Variants in NPC1 observed in about 807,000 individuals in gnomAD.
NPC1 encodes Niemann-Pick C1 protein.
NPC1 carries 85 observed loss-of-function variants against 140.4 expected under a neutral mutation model. The ratio of observed to expected loss-of-function variants is 0.61; its 90% CI spans 0.51 to 0.72. NPC1 has a LOEUF of 0.72. NPC1 is among the 30% of genes least tolerant of loss of function. NPC1 has a pLI of 0.00. For missense variants in NPC1, 1,504 were observed against 1,623.8 expected, an observed-to-expected ratio of 0.93 and a Z score of 1.27; for synonymous variants, 656 against 624.8, an observed-to-expected ratio of 1.05 and a Z score of -0.74.
chr18:23,586,208 T>C, intron 1 of NPC1, 79 bp downstream of exon 1: 1 of 1,473,138 alleles, frequency 6.8e-7, no homozygotes, highest in Non-Finnish European at 9.1e-7. Context: ...GCCTGAGCCG[T>C]CGCTGGGCCC....
At position 23,544,538 on chromosome 18, in the gene NPC1, G is replaced by A. The variant is rs779932903; in HGVS notation, c.1948-12C>T. The A allele has an allele frequency of 4.3e-6, 7 of 1,613,534 alleles. No individual in the cohort carries two copies. The highest frequency in any genetic ancestry group is 3.3e-5 in the Admixed American group (2 of 59,992). On this transcript the variant is annotated splice_polypyrimidine_tract_variant and intron_variant, in intron 12 of 24. Transcript: ENST00000269228. ...ACCTTCGAATCCACCTGAGAGAGGCGACAGACACAATCACCAATTAGTTAC... is the reference window on the plus strand; with the variant it reads ...ACCTTCGAATCCACCTGAGAGAGGCAACAGACACAATCACCAATTAGTTAC...
chr18:23,519,248 T>C, downstream of NPC1: 1 of 1,339,140 alleles, frequency 7.5e-7, no homozygotes, highest in South Asian at 1.2e-5. Context: ...CTGGGCACGG[T>C]GGATCACGCC....
In NPC1 at chr18:23,514,991, G is replaced by A. The variant is rs2057962029; in HGVS notation, c.432-8349C>T. ...GGATTATAAAGTACTGCATTTGTAT[G>A]GAGTCTTATGAACACATCTGCTAGA... On this transcript the variant is annotated intron_variant, in intron 3 of 3. Transcript: ENST00000591107. Among the ~76,000 whole-genome samples the A allele has an allele frequency of 2.0e-5, 3 of 152,184 alleles. No individual in the cohort carries two copies. In the South Asian group the frequency reaches 6.2e-4, roughly 32 times the overall value.
intron 3 of NPC1, chr18:23,507,181 T>C (rs1490750738): frequency 1.6e-6 from 1 of 627,222 alleles, no homozygotes; most frequent in Non-Finnish European, 2.8e-6. Context: ...TATAGTTATG[T>C]TGCATTGTAT....
chr18:23,553,214 C>T (rs183547425), intron 9 of NPC1, among the ~76,000 whole-genome samples: 1 of 152,368 alleles, frequency 6.6e-6, no homozygotes, highest in East Asian at 1.9e-4. Context: ...TGTCCCCCAT[C>T]ATTTTTGTTG....
At chr18:23,506,508 G>C (rs2057720749) in exon 4 of NPC1, 1 of 160,070 alleles carries the variant, frequency 6.2e-6, no homozygotes, top group Non-Finnish European at 1.4e-5. Flanking sequence ...TACAGGTGTA[G>C]GCCGCTGTGC....
At chr18:23,586,046 C>G (rs1022688621) in intron 1 of NPC1, among the ~76,000 whole-genome samples, 1 of 152,210 alleles carries the variant, frequency 6.6e-6, no homozygotes, top group Non-Finnish European at 1.5e-5. Context: ...AATTAGGTGA[C>G]CACAGATGGA....
At chr18:23,555,396 A>G (rs1299227512) in intron 8 of NPC1, among the ~76,000 whole-genome samples, 1 of 152,232 alleles carries the variant, frequency 6.6e-6, no homozygotes, top group Non-Finnish European at 1.5e-5. Context: ...CCATTTATAT[A>G]TGTCCCCTTA....
At chr18:23,539,001 T>G in intron 19 of NPC1, 1 of 449,480 alleles carries the variant, frequency 2.2e-6, no homozygotes, top group South Asian at 2.2e-5. Context: ...ACCTCGACGC[T>G]CCTACAAAAC....
In NPC1 at chr18:23,572,196, G is replaced by A. The variant is rs574028536; in HGVS notation, c.181-16C>T. On this transcript the variant is annotated splice_polypyrimidine_tract_variant and intron_variant, in intron 2 of 24. Transcript: ENST00000269228. ...GACAGAGTTCCTTTCAGGTGAAAGA[G>A]CACAGACACGGGAGTAGGCAACAGT... is the stretch of plus-strand genomic sequence containing the variant. 5.7e-6 allele frequency: 9 copies of A among 1,573,584 alleles called. No individual in the cohort carries two copies. In the African/African-American group the frequency reaches 1.1e-4, roughly 19 times the overall value.
chr18:23,531,492 C>T lies in NPC1; in HGVS notation c.*710G>A. The T allele has an allele frequency of 1.4e-6, 2 of 1,463,886 alleles. No individual in the cohort carries two copies. Among genetic ancestry groups the T allele is most frequent in the South Asian group, 1.5e-5 (1 of 68,310 alleles). 90.7% of individuals were successfully genotyped at this position (1,463,886 alleles called of 1,614,324 possible). ...GTCTCTCAAAGCAGATAGGGTAACC[C>T]CAAAACTTAGGAAAACAATGTATTT... is the stretch of plus-strand genomic sequence containing the variant. On this transcript the variant is annotated 3_prime_UTR_variant, in exon 25 of 25. Coordinates refer to ENST00000269228, the MANE Select transcript of NPC1 (RefSeq NM_000271.5).
At chr18:23,524,221 C>T in intron 1 of NPC1, 1 of 1,605,118 alleles carries the variant, frequency 6.2e-7, no homozygotes, top group South Asian at 1.1e-5. Flanking sequence ...GGCAAGTGGT[C>T]ACCCTCAGAG....
At chr18:23,541,494 C>A in intron 14 of NPC1, 61 bp from the exon 15 acceptor site, 1 of 1,610,142 alleles carries the variant, frequency 6.2e-7, no homozygotes, top group Non-Finnish European at 8.5e-7. Flanking sequence ...CTCTGCAGGT[C>A]TTATGTTCAT....
chr18:23,567,495 T>C (rs994401441), intron 4 of NPC1, among the ~76,000 whole-genome samples: 1 of 152,234 alleles, frequency 6.6e-6, no homozygotes, highest in African/African-American at 2.4e-5. Context: ...TTTGCTTTCT[T>C]ATTGAGTTTT....
downstream of NPC1, among the ~76,000 whole-genome samples, chr18:23,520,898 A>T (rs1351038330): frequency 6.6e-6 from 1 of 152,096 alleles, no homozygotes; most frequent in Non-Finnish European, 1.5e-5. Context: ...TTGTATTTTT[A>T]GTAGAGATGG....
chr18:23,507,589 G>A (rs990009721), intron 3 of NPC1, among the ~76,000 whole-genome samples: 4 of 152,152 alleles, frequency 2.6e-5, no homozygotes, highest in Non-Finnish European at 5.9e-5. Flanking sequence ...CACCATTGCC[G>A]TTTGTAGAGT....
chr18:23,556,131 A>T, intron 8 of NPC1, 112 bp downstream of exon 8: 1 of 961,094 alleles, frequency 1.0e-6, no homozygotes, highest in Non-Finnish European at 1.7e-6. Flanking sequence ...AAGATTTTCA[A>T]GATATACCAT....
rs1805082 is a variant in NPC1 at position 23,540,480 on chromosome 18, T to C, written c.2572A>G (p.Ile858Val). The C allele has an allele frequency of 0.49, 782,226 of 1,607,602 alleles. 193,451 individuals are homozygous for C. The highest frequency in any genetic ancestry group is 0.65 in the East Asian group (29,327 of 44,832). The change falls in exon 17 of 25, where the codon ATT becomes GTT. Residue 858 changes from isoleucine to valine, a missense_variant. By Grantham distance (29) the Ile-to-Val change is conservative (BLOSUM62 3). Coordinates refer to ENST00000269228, the MANE Select transcript of NPC1 (RefSeq NM_000271.5). ...ATCGAAAGAGACTGATCCAATCCAATATCTACTTTGTTCAGGACTGCGATG... is the reference window on the plus strand; with the variant it reads ...ATCGAAAGAGACTGATCCAATCCAACATCTACTTTGTTCAGGACTGCGATG... ...FSIAVLNKVD[I>V]GLDQSLSMPD...
downstream of NPC1, chr18:23,531,302 C>A: frequency 4.1e-6 from 1 of 242,176 alleles, no homozygotes. Context: ...GTTGATCATT[C>A]TCATCTCCAA....
Sources: allele counts gnomAD v4.1 joint callset (sites outside exome capture counted in the v4.1 genomes callset), GRCh38; gene constraint gnomAD v4.1.1; transcripts MANE v1.5; gene names NCBI Gene and HGNC (gene_info 2026-07-23, HGNC 2026-07-21).